Variants in BDP1 observed in about 807,000 individuals in gnomAD.
BDP1 encodes transcription factor TFIIIB component B'' homolog.
A neutral mutation model predicts 266.6 loss-of-function variants in BDP1; 169 were observed. The ratio of observed to expected loss-of-function variants is 0.63; its 90% CI spans 0.56 to 0.72. The LOEUF (loss-of-function observed/expected upper bound fraction) is 0.72. Among genes scored for constraint, BDP1 ranks in the 30% least tolerant of loss-of-function variants. The pLI is 0.00. For missense variants in BDP1, 3,015 were observed against 3,053.8 expected, an observed-to-expected ratio of 0.99 and a Z score of 0.30; for synonymous variants, 1,090 against 1,022.4, an observed-to-expected ratio of 1.07 and a Z score of -1.26.
chr5:71,528,731 T>A (rs1268544417), intron 25 of BDP1, among the ~76,000 whole-genome samples: 3 of 152,224 alleles, frequency 2.0e-5, no homozygotes, highest in Non-Finnish European at 4.4e-5. Context: ...TGAAGCTAAT[T>A]TAAATGATGC....
chr5:71,574,351 T>G, the BDP1 span, among the ~76,000 whole-genome samples: 2 of 152,174 alleles, frequency 1.3e-5, no homozygotes, highest in Non-Finnish European at 2.9e-5. Context: ...TTCATCAGAA[T>G]GGCACCCCCC....
chr5:71,478,310 A>G (rs1467450493), intron 7 of BDP1, among the ~76,000 whole-genome samples: 2 of 152,152 alleles, frequency 1.3e-5, no homozygotes, highest in African/African-American at 4.8e-5. Context: ...ATATAGATAT[A>G]TATGAGTCTT....
At chr5:71,500,147 G>A (rs898070675) in intron 13 of BDP1, among the ~76,000 whole-genome samples, 1 of 151,520 alleles carries the variant, frequency 6.6e-6, no homozygotes, top group Non-Finnish European at 1.5e-5. Flanking sequence ...TTCCTGTTTT[G>A]TGAAATATCT....
In BDP1 at chr5:71,562,274, A is replaced by G. The variant is rs1185800898; in HGVS notation, c.7497A>G (p.Arg2499=). The change falls in exon 38 of 39, where the codon AGA becomes AGG. Residue 2499 remains arginine, a splice_region_variant and synonymous_variant. Coordinates refer to ENST00000358731, the MANE Select transcript of BDP1 (RefSeq NM_018429.3). The part of the protein sequence containing the change: ...RTSSSKASLS[R]PGRRPLGFLS... ...AATATCGTTACATTTGTATTTCTAGACCTGGCAGAAGACCCCTGGGATTTT... is the reference window on the plus strand; with the variant it reads ...AATATCGTTACATTTGTATTTCTAGGCCTGGCAGAAGACCCCTGGGATTTT... 1 of 1,591,064 alleles carries G rather than the reference A, an allele frequency of 6.3e-7. No individual in the cohort carries two copies. Among genetic ancestry groups the G allele is most frequent in the Non-Finnish European group, 8.5e-7 (1 of 1,171,532 alleles).
At chr5:71,571,376 T>A (rs536919894), downstream of BDP1, among the ~76,000 whole-genome samples, 213 of 152,240 alleles carry the variant, frequency 1.4e-3, no homozygotes, top group Non-Finnish European at 2.5e-3. Flanking sequence ...ATTCCTGAGC[T>A]CAAGTGAACC....
intron 25 of BDP1, 152 bp downstream of exon 25, chr5:71,524,475 T>C: frequency 1.1e-6 from 1 of 870,548 alleles, no homozygotes; most frequent in Non-Finnish European, 1.7e-6. Flanking sequence ...TTTGGGGCCT[T>C]GTATAACCTT....
At chr5:71,503,910 C>T (rs1416218672) in intron 15 of BDP1, among the ~76,000 whole-genome samples, 1 of 150,098 alleles carries the variant, frequency 6.7e-6, no homozygotes, top group African/African-American at 2.5e-5. Flanking sequence ...GTTCAAGCCT[C>T]CAGTGAGCTA....
Position 71,460,047 on chromosome 5 carries a change from T to A in BDP1, c.489+1192T>A, listed in dbSNP as rs138374535. ...CTCTATCTAGCTCATTAGAGGGTTG[T>A]GAAGATTAAATGAGTCAATACATGT... On this transcript the variant is annotated intron_variant, in intron 2 of 38. Transcript: ENST00000358731. Among the ~76,000 whole-genome samples, 833 of 152,326 alleles carry A rather than the reference T, an allele frequency of 5.5e-3. 7 individuals carry two copies. The highest frequency in any genetic ancestry group is 0.019 in the African/African-American group (798 of 41,576).
intron 36 of BDP1, among the ~76,000 whole-genome samples, chr5:71,559,688 A>G (rs1330800466): frequency 6.6e-6 from 1 of 152,222 alleles, no homozygotes; most frequent in African/African-American, 2.4e-5. Flanking sequence ...GCTTTTTTAG[A>G]AAGTAATCAC....
chr5:71,516,035 G>GTCC, intron 20 of BDP1, 26 bp from the exon 21 acceptor site: 1 of 1,552,494 alleles, frequency 6.4e-7, no homozygotes, highest in Non-Finnish European at 8.8e-7. Context: ...CAAGCGCCCT[G>GTCC]CCTTTCTCCC....
chr5:71,481,203 C>T (rs2150390731), intron 7 of BDP1, among the ~76,000 whole-genome samples: 1 of 151,040 alleles, frequency 6.6e-6, no homozygotes, highest in South Asian at 2.1e-4. Context: ...ACATACCAGA[C>T]ATTGTGAATG....
At chr5:71,545,841 A>G (rs968614683) in intron 32 of BDP1, among the ~76,000 whole-genome samples, 3 of 43,290 alleles carry the variant, frequency 6.9e-5, no homozygotes, top group African/African-American at 2.1e-4. Flanking sequence ...TAATGCCATT[A>G]AAAAAAAAAA....
At position 71,551,258 on chromosome 5, in the gene BDP1, G is replaced by A. The variant is rs1346103573; in HGVS notation, c.6995+1652G>A. 3.9e-5 allele frequency among the ~76,000 whole-genome samples: 6 copies of A among 152,244 alleles called. No homozygotes were observed. In the East Asian group the frequency reaches 5.8e-4, roughly 15 times the overall value. On this transcript the variant is annotated intron_variant, in intron 34 of 38. Transcript: ENST00000358731. ...GGTTTTCCTAGGCAGAGGACCCTGC[G>A]GCCTTCCGCTGTTTTTGTGTCCCTG...
At chr5:71,494,201 G>A (rs1218061637) in intron 11 of BDP1, among the ~76,000 whole-genome samples, 4 of 152,172 alleles carry the variant, frequency 2.6e-5, no homozygotes, top group African/African-American at 9.7e-5. Flanking sequence ...GAGAACTCTT[G>A]CTGATAAGTC....
At chr5:71,511,436 A>G (rs1764914785) in intron 17 of BDP1, 1 of 310,960 alleles carries the variant, frequency 3.2e-6, no homozygotes, top group Non-Finnish European at 5.8e-6. Context: ...TGGGCAACAT[A>G]GAGAGACCTT....
chr5:71,548,722 T>A lies in BDP1; in HGVS notation c.6785T>A (p.Ile2262Lys), dbSNP rs752376125. The A allele has an allele frequency of 5.0e-6, 8 of 1,605,712 alleles. No individual in the cohort carries two copies. Among genetic ancestry groups the A allele is most frequent in the Admixed American group, 1.7e-5 (1 of 59,932 alleles). ...ATTCCAGAAGTCCAACAAGAGAATA[T>A]AATCAATCCTCAAGACCTAACAGGT... Reference protein sequence around the residue: ...TSIPEVQQENIINPQDLTVNL... With the variant: ...TSIPEVQQENKINPQDLTVNL... Residue 2262 changes from isoleucine (I) to lysine (K), a missense_variant, in exon 33 of 39, where the codon ATA becomes AAA. Physicochemically the swap from Ile to Lys is moderately radical, Grantham distance 102 (BLOSUM62 -3). Coordinates refer to ENST00000358731, the MANE Select transcript of BDP1 (RefSeq NM_018429.3).
intron 25 of BDP1, among the ~76,000 whole-genome samples, chr5:71,531,831 T>A (rs1766263913): frequency 6.6e-6 from 1 of 152,208 alleles, no homozygotes; most frequent in Non-Finnish European, 1.5e-5. Context: ...CTAAGGGCTT[T>A]CAACTCATTA....
At chr5:71,484,043 A>C in intron 8 of BDP1, 147 bp downstream of exon 8, 1 of 650,194 alleles carries the variant, frequency 1.5e-6, no homozygotes. Context: ...TCTGTTTAGC[A>C]GTATGGGTCT....
At chr5:71,569,882 T>A (rs1424051186), downstream of BDP1, among the ~76,000 whole-genome samples, 1 of 152,190 alleles carries the variant, frequency 6.6e-6, no homozygotes, top group Non-Finnish European at 1.5e-5. Flanking sequence ...TGAAACATTG[T>A]TCATTCGGAC....
Sources: allele counts gnomAD v4.1 joint callset (sites outside exome capture counted in the v4.1 genomes callset), GRCh38; gene constraint gnomAD v4.1.1; transcripts MANE v1.5; gene names NCBI Gene and HGNC (gene_info 2026-07-23, HGNC 2026-07-21).